Variants in GALNT7 observed in about 807,000 individuals in gnomAD.
GALNT7 encodes N-acetylgalactosaminyltransferase 7.
A neutral mutation model predicts 82.1 loss-of-function variants in GALNT7; 60 were observed. That is an observed-to-expected ratio of 0.73 (90% confidence interval 0.59 to 0.91). GALNT7 has a LOEUF of 0.91. Among genes scored for constraint, GALNT7 ranks in the 40% least tolerant of loss-of-function variants. The pLI, the probability that GALNT7 is intolerant of heterozygous loss-of-function variation, is 0.00. For missense variants in GALNT7, 660 were observed against 804.2 expected (o/e 0.82, Z 2.17); for synonymous variants, 243 against 275.1 (o/e 0.88, Z 1.15).
At chr4:173,244,558 A>G (rs949707706) in intron 1 of GALNT7, among the ~76,000 whole-genome samples, 1 of 152,166 alleles carries the variant, frequency 6.6e-6, no homozygotes, top group Non-Finnish European at 1.5e-5. Context: ...AATCTTAGGT[A>G]ACTTCCCTGT....
rs145674814 is a variant in GALNT7 at position 173,274,891 on chromosome 4, A to G, written c.588-17217A>G. Among the ~76,000 whole-genome samples, 17 of 152,230 alleles carry G rather than the reference A, an allele frequency of 1.1e-4. No individual in the cohort carries two copies. In the East Asian group the frequency reaches 3.3e-3, roughly 29 times the overall value. On this transcript the variant is annotated intron_variant, in intron 2 of 11. Transcript: ENST00000265000. ...ATGGATCCTGTTGGATTCCTCATGG[A>G]TGCTCATGTGCCTTCTCTGTGGCTC...
chr4:173,272,006 A>T (rs537770455), intron 2 of GALNT7, among the ~76,000 whole-genome samples: 2 of 152,210 alleles, frequency 1.3e-5, no homozygotes, highest in African/African-American at 4.8e-5. Flanking sequence ...GCTGTGAGGA[A>T]CCCGCTTATG....
intron 2 of GALNT7, among the ~76,000 whole-genome samples, chr4:173,288,108 C>T (rs1277540263): frequency 1.3e-5 from 2 of 150,882 alleles, no homozygotes; most frequent in Non-Finnish European, 2.9e-5. Flanking sequence ...ACGGTGAAAC[C>T]CCGTCTCTAC....
rs1475722222 is a variant in GALNT7, at chr4:173,302,279, T to G, written c.1266+115T>G. The G allele has an allele frequency of 1.4e-6, 1 of 724,576 alleles. No individual in the cohort carries two copies. The highest frequency in any genetic ancestry group is 1.8e-5 in the African/African-American group (1 of 55,956). The allele number at this position is 724,576 out of a possible 1,614,324, so 44.9% of individuals were successfully genotyped here. ...AGCCCACAATTATATCATGCATTTC[T>G]CCAAATTGTATAGAATGATTTAATG... On this transcript the variant is annotated intron_variant, in intron 7 of 11. Transcript: ENST00000265000. This position sits in a 1 kb window ranked among gnomAD's most constrained non-coding sequence, Gnocchi z 4.2.
At chr4:173,314,950 C>A (rs1737536047) in intron 9 of GALNT7, among the ~76,000 whole-genome samples, 1 of 152,134 alleles carries the variant, frequency 6.6e-6, no homozygotes, top group South Asian at 2.1e-4. Flanking sequence ...ACCAGAGAAG[C>A]AAAGTCGTTT....
At chr4:173,309,844 A>G (rs1399854671) in intron 8 of GALNT7, among the ~76,000 whole-genome samples, 1 of 152,216 alleles carries the variant, frequency 6.6e-6, no homozygotes, top group Non-Finnish European at 1.5e-5. Flanking sequence ...AACACCAGGC[A>G]TGATTGACAT....
chr4:173,219,689 G>T (rs1249296133), intron 1 of GALNT7, among the ~76,000 whole-genome samples: 3 of 151,960 alleles, frequency 2.0e-5, no homozygotes, highest in Non-Finnish European at 4.4e-5. Flanking sequence ...GGTAATTCTT[G>T]CAGGAATAAG....
chr4:173,171,927 G>A (rs1579873091), intron 1 of GALNT7, among the ~76,000 whole-genome samples: 1 of 152,154 alleles, frequency 6.6e-6, no homozygotes, highest in South Asian at 2.1e-4. Flanking sequence ...GAGGAATTTG[G>A]TCATAAAAGC....
At chr4:173,278,284 A>G (rs560897600) in intron 2 of GALNT7, among the ~76,000 whole-genome samples, 1 of 152,364 alleles carries the variant, frequency 6.6e-6, no homozygotes, top group Admixed American at 6.5e-5. Flanking sequence ...TATTTGAGTA[A>G]AGTGTTCAGA....
chr4:173,314,609 C>T (rs997776332), intron 9 of GALNT7, among the ~76,000 whole-genome samples: 4 of 152,212 alleles, frequency 2.6e-5, no homozygotes, highest in Admixed American at 2.0e-4. Context: ...ATCTCCCAAC[C>T]AGTCTGAGTG....
chr4:173,242,379 T>G (rs972528902), intron 1 of GALNT7, among the ~76,000 whole-genome samples: 1 of 152,222 alleles, frequency 6.6e-6, no homozygotes, highest in African/African-American at 2.4e-5. Flanking sequence ...CTGCCCTAGT[T>G]GCTAACAGAG....
chr4:173,298,343 C>A, intron 6 of GALNT7, 46 bp downstream of exon 6: 1 of 1,300,448 alleles, frequency 7.7e-7, no homozygotes, highest in Non-Finnish European at 1.1e-6. Context: ...CCAGTTGCTG[C>A]TAACCTATTA....
At chr4:173,232,067 G>A (rs1379257922) in intron 1 of GALNT7, among the ~76,000 whole-genome samples, 1 of 152,176 alleles carries the variant, frequency 6.6e-6, no homozygotes, top group Non-Finnish European at 1.5e-5. Flanking sequence ...AGAAGGAAGA[G>A]AGGAGGAAAG....
intron 1 of GALNT7, among the ~76,000 whole-genome samples, chr4:173,235,743 A>G (rs940917344): frequency 4.0e-5 from 6 of 151,866 alleles, no homozygotes; most frequent in Admixed American, 3.3e-4. Context: ...TTTAGAAGAG[A>G]TGGAGTTTCA....
rs143552054 is a variant in GALNT7, at chr4:173,322,881, T to C, written c.*1164T>C. ...TTAAAAACAAAGGACTATTTAAAAATACAGTTTATTAACAAACGTGAACTA... is the reference window on the plus strand; with the variant it reads ...TTAAAAACAAAGGACTATTTAAAAACACAGTTTATTAACAAACGTGAACTA... On this transcript the variant is annotated 3_prime_UTR_variant, in exon 12 of 12. Transcript: ENST00000265000. The C allele has an allele frequency of 6.6e-6, 1 of 152,300 alleles. No homozygotes were observed. The highest frequency in any genetic ancestry group is 1.9e-4 in the East Asian group (1 of 5,188). 9.4% of individuals were successfully genotyped at this position (152,300 alleles called of 1,614,324 possible).
At position 173,323,810 on chromosome 4, in the gene GALNT7, AATTTGATTTATGCAGATTTTG is replaced by A. The variant is rs1354676876; in HGVS notation, c.*2096_*2116del. 6.6e-6 allele frequency: 1 copy of A among 152,582 alleles called. No homozygotes were observed. Among genetic ancestry groups the A allele is most frequent in the East Asian group, 1.9e-4 (1 of 5,204 alleles). The allele number at this position is 152,582 out of a possible 1,614,324, so 9.5% of individuals were successfully genotyped here. On this transcript the variant is annotated 3_prime_UTR_variant, in exon 12 of 12. Transcript: ENST00000265000. ...ACTATGCATTTCTACACATTTTATA[AATTTGATTTATGCAGATTTTG>A]ATACACTGTATGTTTCTGTAGAAAT...
chr4:173,311,371 T>C (rs1737374317), intron 8 of GALNT7, among the ~76,000 whole-genome samples: 1 of 152,222 alleles, frequency 6.6e-6, no homozygotes, highest in African/African-American at 2.4e-5. Context: ...TTAGTCTGTT[T>C]TCACACTGCT....
intron 1 of GALNT7, among the ~76,000 whole-genome samples, chr4:173,183,397 A>T (rs1231415106): frequency 6.6e-6 from 1 of 151,946 alleles, no homozygotes; most frequent in East Asian, 1.9e-4. Context: ...GGAATGGGAG[A>T]AAGATTAGGG....
At chr4:173,225,804 A>C (rs1561162206) in intron 1 of GALNT7, among the ~76,000 whole-genome samples, 1 of 152,244 alleles carries the variant, frequency 6.6e-6, no homozygotes, top group Non-Finnish European at 1.5e-5. Context: ...CAGATCTAAC[A>C]GAATTGATCT....
Sources: allele counts gnomAD v4.1 joint callset (sites outside exome capture counted in the v4.1 genomes callset), GRCh38; gene constraint gnomAD v4.1.1; non-coding constraint Gnocchi (gnomAD v3.1); transcripts MANE v1.5; gene names NCBI Gene and HGNC (gene_info 2026-07-23, HGNC 2026-07-21).